Variants in CACNA1D observed in about 807,000 individuals in gnomAD.
CACNA1D encodes the protein calcium voltage-gated channel subunit alpha1 D.
A neutral mutation model predicts 257.1 loss-of-function variants in CACNA1D; 55 were observed. That is an observed-to-expected ratio of 0.21 (90% CI 0.17 to 0.27). CACNA1D has a LOEUF of 0.27. Among genes scored for constraint, CACNA1D ranks in the 10% least tolerant of loss-of-function variants. The probability of loss-of-function intolerance (pLI) is 1.00; values close to 1 mark genes in which losing one functional copy is unlikely to be tolerated. For missense variants in CACNA1D, 1,876 were observed against 2,784.0 expected (o/e 0.67, Z 7.34); for synonymous variants, 980 against 1,014.9 (o/e 0.97, Z 0.65).
At chr3:53,526,340 G>A (rs998420836) in intron 3 of CACNA1D, among the ~76,000 whole-genome samples, 2 of 152,208 alleles carry the variant, frequency 1.3e-5, no homozygotes, top group South Asian at 2.1e-4. Context: ...CTGACCCATT[G>A]TCAGGACAGC....
At chr3:53,586,541 A>G (rs1184571255) in intron 3 of CACNA1D, among the ~76,000 whole-genome samples, 4 of 152,106 alleles carry the variant, frequency 2.6e-5, no homozygotes, top group Non-Finnish European at 5.9e-5. Context: ...TAAAGTCCCC[A>G]TGGTCCACAA....
Position 53,497,275 on chromosome 3 carries a change from A to C in CACNA1D, c.191A>C (p.Lys64Thr). 1 of 1,614,166 alleles carries C rather than the reference A, an allele frequency of 6.2e-7. No individual in the cohort carries two copies. Among genetic ancestry groups the C allele is most frequent in the Non-Finnish European group, 8.5e-7 (1 of 1,180,020 alleles). The change falls in exon 2 of 48, where the codon AAG becomes ACG. Residue 64 changes from lysine (K) to threonine (T), a missense_variant. Around this residue, in one of 10 missense-constraint regions of CACNA1D, gnomAD observed 143 missense variants for 168.7 expected, o/e 0.85. Transcript: ENST00000350061. ...QAAIDAARQA[K>T]AAQTMSTSAP... The stretch of plus-strand genomic sequence containing the variant: ...GCAATCGATGCTGCTAGACAGGCCA[A>C]GGCTGCCCAAACTATGAGCACCTCT...
chr3:53,519,429 G>C (rs2091467342), intron 3 of CACNA1D, among the ~76,000 whole-genome samples: 1 of 152,134 alleles, frequency 6.6e-6, no homozygotes. Context: ...GAAGCTGTGC[G>C]AGACGACAAA....
intron 9 of CACNA1D, among the ~76,000 whole-genome samples, chr3:53,703,526 C>T (rs1377252518): frequency 3.3e-5 from 5 of 152,234 alleles, no homozygotes; most frequent in Non-Finnish European, 5.9e-5. Flanking sequence ...CGCTCTTATT[C>T]TCTCTGGGGC....
intron 9 of CACNA1D, among the ~76,000 whole-genome samples, chr3:53,707,718 G>A (rs956325594): frequency 6.6e-6 from 1 of 151,856 alleles, no homozygotes; most frequent in Non-Finnish European, 1.5e-5. Context: ...GTTAACAATG[G>A]AGTTTTGCTA....
chr3:53,572,463 G>T (rs971938922), intron 3 of CACNA1D, among the ~76,000 whole-genome samples: 1 of 151,900 alleles, frequency 6.6e-6, no homozygotes, highest in Non-Finnish European at 1.5e-5. Context: ...GCAGTGGCAC[G>T]ATCTTGGCTC....
At chr3:53,780,185 C>G in intron 38 of CACNA1D, 57 bp downstream of exon 38, 1 of 1,333,804 alleles carries the variant, frequency 7.5e-7, no homozygotes, top group Non-Finnish European at 1.1e-6. Flanking sequence ...ACATCACATC[C>G]CATCTTGCCT....
intron 14 of CACNA1D, among the ~76,000 whole-genome samples, chr3:53,726,362 G>T (rs1162169155): frequency 6.6e-6 from 1 of 152,236 alleles, no homozygotes; most frequent in African/African-American, 2.4e-5. Flanking sequence ...TCTTGGCTGG[G>T]TGAGGTGGCT....
At chr3:53,730,368 G>A (rs1227013856) in intron 15 of CACNA1D, 74 bp from the exon 16 acceptor site, 11 of 946,910 alleles carry the variant, frequency 1.2e-5, no homozygotes, top group South Asian at 9.2e-5. Flanking sequence ...ATGCAGAGGT[G>A]TGTGGCGTTG....
At chr3:53,766,894 C>T (rs1305805957) in intron 30 of CACNA1D, among the ~76,000 whole-genome samples, 13 of 152,170 alleles carry the variant, frequency 8.5e-5, no homozygotes, top group African/African-American at 1.2e-4. Context: ...TGGAAAGCTA[C>T]CTAGTGAAGA....
chr3:53,714,797 A>G (rs1484886133), intron 9 of CACNA1D, among the ~76,000 whole-genome samples: 1 of 152,240 alleles, frequency 6.6e-6, no homozygotes, highest in Admixed American at 6.5e-5. Flanking sequence ...CTGAGAAATC[A>G]AGAGTTTGCT....
Position 53,780,101 on chromosome 3 carries a change from C to A in CACNA1D, c.4663C>A (p.Arg1555=). 6.2e-7 allele frequency: 1 copy of A among 1,613,876 alleles called. No individual in the cohort carries two copies. Among genetic ancestry groups the A allele is most frequent in the South Asian group, 1.1e-5 (1 of 91,070 alleles). Residue 1555 remains arginine, a synonymous_variant, in exon 38 of 48, where the codon CGA becomes AGA. Coordinates refer to ENST00000350061, the MANE Select transcript of CACNA1D (RefSeq NM_001128840.3). ...MFNATLFALV[R]TALKIKTEGN... ...TAATGCAACCCTGTTTGCTTTGGTT[C>A]GAACGGCTCTTAAGATCAAGACCGA...
chr3:53,799,424 A>G (rs1260299389), intron 40 of CACNA1D, among the ~76,000 whole-genome samples: 2 of 152,310 alleles, frequency 1.3e-5, no homozygotes, highest in East Asian at 3.9e-4. Flanking sequence ...CAGGGACCAC[A>G]GTGAGGAAGG....
intron 3 of CACNA1D, among the ~76,000 whole-genome samples, chr3:53,550,873 T>C (rs1041738175): frequency 2.6e-5 from 4 of 152,220 alleles, no homozygotes; most frequent in African/African-American, 9.7e-5. Context: ...TATCTTTAAC[T>C]TGGGGATGGA....
chr3:53,527,897 T>TC (rs1306278807), intron 3 of CACNA1D, among the ~76,000 whole-genome samples: 1 of 152,190 alleles, frequency 6.6e-6, no homozygotes, highest in Non-Finnish European at 1.5e-5. Flanking sequence ...ACATGATCTG[T>TC]CCATGAGTGT....
intron 26 of CACNA1D, among the ~76,000 whole-genome samples, chr3:53,748,808 G>A (rs768936076): frequency 4.6e-5 from 7 of 152,204 alleles, no homozygotes; most frequent in South Asian, 2.1e-4. Context: ...GGGTGTTACA[G>A]TAATCCCCCT....
intron 5 of CACNA1D, among the ~76,000 whole-genome samples, chr3:53,662,686 ATGAGATCCAC>A (rs1443296151): frequency 6.6e-6 from 1 of 152,162 alleles, no homozygotes; most frequent in Non-Finnish European, 1.5e-5. Flanking sequence ...CTAGAGTCCC[ATGAGATCCAC>A]TGAGATCTAC....
rs1391521092 is a variant in CACNA1D, at chr3:53,517,473, CCTTTT to C, written c.483+15758_483+15762del. Among the ~76,000 whole-genome samples the C allele has an allele frequency of 6.7e-4, 101 of 151,624 alleles. 1 individual carries two copies. The highest frequency in any genetic ancestry group is 2.3e-3 in the African/African-American group (96 of 41,382). ...AGGAGCTGCATCACCATTTTCTTTT[CCTTTT>C]CTTTCTTTCTTTTTTTTTTTTTTTA... On this transcript the variant is annotated intron_variant, in intron 3 of 47. Transcript: ENST00000350061.
chr3:53,599,594 C>G (rs2093416082), intron 3 of CACNA1D, among the ~76,000 whole-genome samples: 1 of 152,126 alleles, frequency 6.6e-6, no homozygotes, highest in African/African-American at 2.4e-5. Context: ...AATTTACTTC[C>G]CATCTCTAAG....
Sources: gnomAD v4.1 joint callset for allele counts (sites outside exome capture counted in the v4.1 genomes callset) on GRCh38, gnomAD v4.1.1 for gene constraint, gnomAD v4.1.1 regional missense constraint, MANE v1.5 for transcripts, NCBI Gene and HGNC (gene_info 2026-07-23, HGNC 2026-07-21) for gene names.